The following RTN1 variants were observed in gnomAD, a reference collection of about 807,000 sequenced individuals.
The protein encoded by RTN1 is reticulon-1.
A neutral mutation model predicts 65.5 loss-of-function variants in RTN1; 25 were observed. That is an observed-to-expected ratio of 0.38 (90% CI 0.28 to 0.53). The LOEUF (loss-of-function observed/expected upper bound fraction) is 0.53. RTN1 is among the 20% of genes least tolerant of loss of function. The pLI, the probability that RTN1 is intolerant of heterozygous loss-of-function variation, is 0.79. For synonymous variants in RTN1, 471 were observed against 447.6 expected, an observed-to-expected ratio of 1.05 and a Z score of -0.66; for missense variants, 983 against 1,025.4, an observed-to-expected ratio of 0.96 and a Z score of 0.57.
intron 3 of RTN1, among the ~76,000 whole-genome samples, chr14:59,689,393 T>C (rs1465297329): frequency 1.3e-5 from 2 of 152,218 alleles, no homozygotes; most frequent in East Asian, 1.9e-4. Flanking sequence ...TTTAAGGGAA[T>C]AATTCAGAAA....
intron 1 of RTN1, among the ~76,000 whole-genome samples, chr14:59,777,753 T>C (rs943877663): frequency 1.3e-5 from 2 of 151,940 alleles, no homozygotes; most frequent in Admixed American, 6.6e-5. Context: ...CCCCTCTTTT[T>C]CTTTCTAGGT....
Position 59,818,661 on chromosome 14 carries a change from A to C in RTN1, c.241+51729T>G, listed in dbSNP as rs559511973. 6.6e-5 allele frequency among the ~76,000 whole-genome samples: 10 copies of C among 152,268 alleles called. No homozygotes were observed. In the East Asian group the frequency reaches 1.9e-3, roughly 29 times the overall value. ...GTGTCTTTATGGTAGGAGGATTTATATTTCTTTGGGTATATACCCAGTAAT... is the reference window on the plus strand; with the variant it reads ...GTGTCTTTATGGTAGGAGGATTTATCTTTCTTTGGGTATATACCCAGTAAT... On this transcript the variant is annotated intron_variant, in intron 1 of 8. Coordinates refer to ENST00000267484, the MANE Select transcript of RTN1 (RefSeq NM_021136.3).
chr14:59,736,109 C>A (rs1036060948), intron 2 of RTN1, among the ~76,000 whole-genome samples: 3 of 152,036 alleles, frequency 2.0e-5, no homozygotes, highest in Admixed American at 6.6e-5. Context: ...AAGTTAACAA[C>A]CTAACATCAC....
chr14:59,597,091 G>A (rs1049055175), intron 8 of RTN1, among the ~76,000 whole-genome samples: 1 of 152,194 alleles, frequency 6.6e-6, no homozygotes, highest in Non-Finnish European at 1.5e-5. Context: ...TAGTTAGGGT[G>A]ATTATTTATC....
intron 3 of RTN1, among the ~76,000 whole-genome samples, chr14:59,695,545 C>T (rs1884045659): frequency 6.6e-6 from 1 of 152,140 alleles, no homozygotes; most frequent in Non-Finnish European, 1.5e-5. Context: ...TGGAGCTAAG[C>T]CAAGCTGAGC....
chr14:59,833,996 A>G (rs535090392), intron 1 of RTN1, among the ~76,000 whole-genome samples: 1 of 152,356 alleles, frequency 6.6e-6, no homozygotes, highest in East Asian at 1.9e-4. Context: ...TCTCAAGAGC[A>G]TATGGTGTTT....
intron 3 of RTN1, chr14:59,646,871 A>T (rs1882908977): frequency 6.5e-6 from 1 of 154,022 alleles, no homozygotes; most frequent in African/African-American, 2.4e-5. Flanking sequence ...TAAAGCAACC[A>T]CACAAACAAG....
At chr14:59,665,348 A>C (rs994892361) in intron 3 of RTN1, among the ~76,000 whole-genome samples, 9 of 152,204 alleles carry the variant, frequency 5.9e-5, no homozygotes, top group African/African-American at 2.2e-4. Context: ...ACTAAGCTTC[A>C]TAAGTGAAGG....
In RTN1 at chr14:59,766,309, G is replaced by C. The variant is rs893496025; in HGVS notation, c.242-19828C>G. ...GTAGTTTTCGAAATAAATGCTTACTGAAAAGAGCAGCTGGATAGAAAACAG... is the reference window on the plus strand; with the variant it reads ...GTAGTTTTCGAAATAAATGCTTACTCAAAAGAGCAGCTGGATAGAAAACAG... On this transcript the variant is annotated intron_variant, in intron 1 of 8. Transcript: ENST00000267484. This position sits in a 1 kb window ranked among gnomAD's most constrained non-coding sequence, Gnocchi z 4.4. Among the ~76,000 whole-genome samples the C allele has an allele frequency of 6.6e-6, 1 of 152,300 alleles. No homozygotes were observed. The highest frequency in any genetic ancestry group is 1.9e-4 in the East Asian group (1 of 5,182).
chr14:59,612,633 G>A (rs954103336), intron 3 of RTN1, among the ~76,000 whole-genome samples: 5 of 152,200 alleles, frequency 3.3e-5, no homozygotes, highest in Non-Finnish European at 5.9e-5. Flanking sequence ...TGCTTCTCAA[G>A]CCAGCTTGGC....
chr14:59,614,662 C>T (rs529704716), intron 3 of RTN1, among the ~76,000 whole-genome samples: 15 of 152,240 alleles, frequency 9.9e-5, no homozygotes, highest in African/African-American at 3.4e-4. Flanking sequence ...GTTTCTTTGA[C>T]TTTTGAAAAT....
intron 1 of RTN1, among the ~76,000 whole-genome samples, chr14:59,818,545 A>G (rs1886862760): frequency 6.6e-6 from 1 of 152,222 alleles, no homozygotes; most frequent in Non-Finnish European, 1.5e-5. Context: ...TTTTTATTCA[A>G]TCGAATATTT....
intron 1 of RTN1, among the ~76,000 whole-genome samples, chr14:59,865,557 C>T (rs1315676602): frequency 6.6e-6 from 1 of 152,172 alleles, no homozygotes; most frequent in Non-Finnish European, 1.5e-5. Flanking sequence ...TTTTCTCATA[C>T]CCTATCACTA....
chr14:59,624,540 C>A (rs939488346), intron 3 of RTN1, among the ~76,000 whole-genome samples: 1 of 151,810 alleles, frequency 6.6e-6, no homozygotes, highest in Non-Finnish European at 1.5e-5. Context: ...CAGCTCACTG[C>A]AACCTCTGCC....
rs1391714815 is a variant in RTN1 at position 59,749,575 on chromosome 14, A to T, written c.242-3094T>A. On this transcript the variant is annotated intron_variant, in intron 1 of 8. Coordinates refer to ENST00000267484, the MANE Select transcript of RTN1 (RefSeq NM_021136.3). The stretch of plus-strand genomic sequence containing the variant: ...TATAGATATCTATATATAGATATAT[A>T]TATATAGATATTTATATATATATCT... Among the ~76,000 whole-genome samples, 228 of 48,518 alleles carry T rather than the reference A, an allele frequency of 4.7e-3. 11 individuals carry two copies. The highest frequency in any genetic ancestry group is 6.4e-3 in the Admixed American group (17 of 2,670). The allele number at this position is 48,518 out of a possible 152,430, so 31.8% of individuals were successfully genotyped here. A position where few individuals can be genotyped will look rare whatever the true frequency, so the allele number is the denominator to read the frequency against.
intron 1 of RTN1, among the ~76,000 whole-genome samples, chr14:59,811,300 T>C (rs959541714): frequency 2.0e-5 from 3 of 152,182 alleles, no homozygotes; most frequent in Non-Finnish European, 4.4e-5. Flanking sequence ...ATAGCCCTGA[T>C]GATGCAAACA....
chr14:59,814,787 G>A (rs796221877), intron 1 of RTN1, among the ~76,000 whole-genome samples: 54 of 152,310 alleles, frequency 3.5e-4, no homozygotes, highest in African/African-American at 1.2e-3. Flanking sequence ...TACACAGAAT[G>A]TATAAATGTT....
intron 3 of RTN1, among the ~76,000 whole-genome samples, chr14:59,675,264 G>T (rs1412317147): frequency 6.6e-6 from 1 of 152,136 alleles, no homozygotes; most frequent in African/African-American, 2.4e-5. Context: ...AATCATGTGT[G>T]CATATGGGGG....
At chr14:59,839,033 A>G (rs993133007) in intron 1 of RTN1, among the ~76,000 whole-genome samples, 19 of 152,314 alleles carry the variant, frequency 1.2e-4, no homozygotes, top group Admixed American at 1.0e-3. Context: ...GACCAAAAGA[A>G]AGAGACGCTT....
Sources: allele counts gnomAD v4.1 joint callset (sites outside exome capture counted in the v4.1 genomes callset), GRCh38; gene constraint gnomAD v4.1.1; non-coding constraint Gnocchi (gnomAD v3.1); transcripts MANE v1.5; gene names NCBI Gene and HGNC (gene_info 2026-07-23, HGNC 2026-07-21).